The following LSAMP variants were observed in gnomAD, a reference collection of about 807,000 sequenced individuals.
The protein encoded by LSAMP is limbic system-associated membrane protein.
A neutral mutation model predicts 38.6 loss-of-function variants in LSAMP; 7 were observed. The ratio of observed to expected loss-of-function variants is 0.18; its 90% CI spans 0.10 to 0.34. The LOEUF (loss-of-function observed/expected upper bound fraction) is 0.34. Ranked by LOEUF, LSAMP falls within the 10% of genes least tolerant of loss-of-function variation. The pLI is 1.00. For missense variants in LSAMP, 313 were observed against 420.0 expected (o/e 0.75, Z 2.23); for synonymous variants, 154 against 166.8 (o/e 0.92, Z 0.59).
chr3:116,151,574 C>A (rs1355304211), intron 1 of LSAMP, among the ~76,000 whole-genome samples: 1 of 152,040 alleles, frequency 6.6e-6, no homozygotes, highest in African/African-American at 2.4e-5. Context: ...CATGCATGAG[C>A]TCCTTCTCTT....
At chr3:115,947,510 T>G (rs1938139922) in intron 3 of LSAMP, among the ~76,000 whole-genome samples, 1 of 152,140 alleles carries the variant, frequency 6.6e-6, no homozygotes, top group Non-Finnish European at 1.5e-5. Context: ...ATGATAGTGG[T>G]TACGTTGGGA....
At chr3:116,097,974 A>G (rs1708260679) in intron 1 of LSAMP, among the ~76,000 whole-genome samples, 1 of 152,020 alleles carries the variant, frequency 6.6e-6, no homozygotes, top group African/African-American at 2.4e-5. Context: ...ACCTCAGGTG[A>G]TCCACCCACC....
intron 3 of LSAMP, among the ~76,000 whole-genome samples, chr3:115,995,939 A>T (rs1290718975): frequency 2.6e-5 from 4 of 152,076 alleles, no homozygotes; most frequent in Non-Finnish European, 4.4e-5. Context: ...GATACAATAT[A>T]TTAACAATCA....
intron 1 of LSAMP, among the ~76,000 whole-genome samples, chr3:116,342,642 G>A (rs1331231029): frequency 3.3e-5 from 5 of 152,010 alleles, no homozygotes; most frequent in African/African-American, 1.2e-4. Flanking sequence ...ACTATTCAGA[G>A]CTGTGAAAAT....
At chr3:116,317,515 C>T (rs2047647926) in intron 1 of LSAMP, among the ~76,000 whole-genome samples, 3 of 152,018 alleles carry the variant, frequency 2.0e-5, no homozygotes, top group Non-Finnish European at 4.4e-5. Flanking sequence ...GCCACCACGT[C>T]TGGCTAATTT....
chr3:116,063,613 G>T lies in LSAMP; in HGVS notation c.388+22711C>A, dbSNP rs370649945. 7.1e-4 allele frequency among the ~76,000 whole-genome samples: 108 copies of T among 152,194 alleles called. 4 individuals carry two copies. In the East Asian group the frequency reaches 0.014, roughly 20 times the overall value. ...GAGAGATATTTACCAATATAATTTT[G>T]AATACTGAAAACTGTTCCAAGGCAT... On this transcript the variant is annotated intron_variant, in intron 2 of 6. Transcript: ENST00000490035.
At chr3:115,959,333 G>A (rs1938553888) in intron 3 of LSAMP, among the ~76,000 whole-genome samples, 1 of 152,094 alleles carries the variant, frequency 6.6e-6, no homozygotes, top group African/African-American at 2.4e-5. Flanking sequence ...ATTTAGGGTG[G>A]TGGTTTTCAA....
intron 1 of LSAMP, among the ~76,000 whole-genome samples, chr3:116,265,175 T>C (rs1012169314): frequency 3.9e-5 from 6 of 152,210 alleles, no homozygotes; most frequent in Admixed American, 1.3e-4. Context: ...ATATTCTTCT[T>C]ATGTCACAAC....
At chr3:116,197,311 C>T (rs1180508372) in intron 1 of LSAMP, among the ~76,000 whole-genome samples, 1 of 152,152 alleles carries the variant, frequency 6.6e-6, no homozygotes, top group African/African-American at 2.4e-5. Context: ...ATAACTTTGT[C>T]CTTGTCACTT....
At chr3:115,949,588 A>T (rs577918447) in intron 3 of LSAMP, among the ~76,000 whole-genome samples, 1 of 152,190 alleles carries the variant, frequency 6.6e-6, no homozygotes, top group South Asian at 2.1e-4. Flanking sequence ...CACTAATAAA[A>T]AAAATTGCCA....
intron 3 of LSAMP, among the ~76,000 whole-genome samples, chr3:115,857,473 ACAATTTGGGTCTTTCTCTT>A (rs1935545031): frequency 6.6e-6 from 1 of 152,224 alleles, no homozygotes; most frequent in Admixed American, 6.5e-5. Context: ...TTCTATGGCC[ACAATTTGGGTCTTTCTCTT>A]GTCCCTATCT....
chr3:116,239,486 G>A (rs182880994), intron 1 of LSAMP, among the ~76,000 whole-genome samples: 1 of 152,246 alleles, frequency 6.6e-6, no homozygotes, highest in East Asian at 1.9e-4. Context: ...CCTGAACAGT[G>A]TTTGTAAGAC....
intron 1 of LSAMP, among the ~76,000 whole-genome samples, chr3:116,342,860 TCTAA>T (rs1559834747): frequency 6.6e-6 from 1 of 152,110 alleles, no homozygotes. Flanking sequence ...TCTTTTCAGC[TCTAA>T]CTTTCTATGA....
At chr3:116,184,285 A>G (rs1252791172) in intron 1 of LSAMP, among the ~76,000 whole-genome samples, 1 of 151,934 alleles carries the variant, frequency 6.6e-6, no homozygotes, top group East Asian at 1.9e-4. Flanking sequence ...CAGTTTACAG[A>G]TGAGAAAAGA....
intron 1 of LSAMP, among the ~76,000 whole-genome samples, chr3:116,209,955 C>T (rs1303827232): frequency 6.6e-6 from 1 of 152,010 alleles, no homozygotes; most frequent in Non-Finnish European, 1.5e-5. Flanking sequence ...GGAGTTTCAC[C>T]ATGTTAGCCA....
In LSAMP at chr3:116,280,040, AT is replaced by A. The variant is rs1209379994; in HGVS notation, c.155+164836del. 2.6e-5 allele frequency among the ~76,000 whole-genome samples: 4 copies of A among 152,110 alleles called. No individual in the cohort carries two copies. In the East Asian group the frequency reaches 7.7e-4, roughly 29 times the overall value. ...CATGGGATTATTCACACATAAAAAA[AT>A]AAATACTGGTGGCTTTAATTACTGA... On this transcript the variant is annotated intron_variant, in intron 1 of 6. Coordinates refer to ENST00000490035, the MANE Select transcript of LSAMP (RefSeq NM_002338.5).
intron 3 of LSAMP, among the ~76,000 whole-genome samples, chr3:115,982,904 G>A (rs894018431): frequency 5.7e-5 from 8 of 140,342 alleles, no homozygotes; most frequent in African/African-American, 2.1e-4. Context: ...TCTTTTCTCC[G>A]TCTTAACCAA....
chr3:116,155,648 T>A (rs1709730270), intron 1 of LSAMP, among the ~76,000 whole-genome samples: 1 of 152,096 alleles, frequency 6.6e-6, no homozygotes, highest in Admixed American at 6.6e-5. Flanking sequence ...TATGTGTGTG[T>A]GTGTGTGTCT....
chr3:116,070,169 G>A (rs1707567202), intron 2 of LSAMP, among the ~76,000 whole-genome samples: 1 of 152,118 alleles, frequency 6.6e-6, no homozygotes, highest in African/African-American at 2.4e-5. Flanking sequence ...TAAGAAGGCT[G>A]GCTCTTTAAA....
Sources: allele counts gnomAD v4.1 joint callset (sites outside exome capture counted in the v4.1 genomes callset), GRCh38; gene constraint gnomAD v4.1.1; transcripts MANE v1.5; gene names NCBI Gene and HGNC (gene_info 2026-07-23, HGNC 2026-07-21).